AATF: variants seen among roughly 807,000 people sequenced by gnomAD.
AATF encodes apoptosis antagonizing transcription factor, also known as protein AATF.
A neutral mutation model predicts 63.7 loss-of-function variants in AATF; 48 were observed. The observed-to-expected ratio is 0.75, with a 90% CI of 0.60 to 0.96. The LOEUF (loss-of-function observed/expected upper bound fraction) is 0.96. Ranked by LOEUF, AATF falls within the 40% of genes least tolerant of loss-of-function variation. The probability of loss-of-function intolerance (pLI) is 0.00; values close to 1 mark genes in which losing one functional copy is unlikely to be tolerated. For synonymous variants in AATF, 258 were observed against 247.7 expected, an observed-to-expected ratio of 1.04 and a Z score of -0.39; for missense variants, 639 against 685.7, an observed-to-expected ratio of 0.93 and a Z score of 0.76.
chr17:37,040,471 T>TA (rs563229094), intron 11 of AATF, among the ~76,000 whole-genome samples: 149,779 of 150,076 alleles, frequency 1, 74,742 homozygotes, highest in Middle Eastern at 1. Flanking sequence ...GTTCCTCATT[T>TA]AAAAAAAAAA....
intron 10 of AATF, among the ~76,000 whole-genome samples, chr17:37,029,345 G>A (rs1372581532): frequency 6.6e-6 from 1 of 151,862 alleles, no homozygotes; most frequent in Non-Finnish European, 1.5e-5. Context: ...CTGAGTTCAA[G>A]CAATTCTCCT....
intron 4 of AATF, among the ~76,000 whole-genome samples, chr17:36,972,201 A>G (rs1230764876): frequency 1.3e-5 from 2 of 152,178 alleles, no homozygotes; most frequent in Non-Finnish European, 2.9e-5. Flanking sequence ...TGCTTGAAAT[A>G]TATATCCTTG....
At chr17:37,015,535 AG>A (rs1379863164) in intron 8 of AATF, among the ~76,000 whole-genome samples, 1 of 152,170 alleles carries the variant, frequency 6.6e-6, no homozygotes, top group Non-Finnish European at 1.5e-5. Context: ...GCCCTTTTAG[AG>A]GGACGCCTAA....
chr17:37,041,591 C>T (rs896535501), intron 11 of AATF, among the ~76,000 whole-genome samples: 2 of 152,084 alleles, frequency 1.3e-5, no homozygotes, highest in Admixed American at 6.5e-5. Context: ...CTGCAATGTC[C>T]GCCTCCCGGG....
chr17:37,008,810 T>C (rs1312757220), intron 8 of AATF, among the ~76,000 whole-genome samples: 1 of 152,216 alleles, frequency 6.6e-6, no homozygotes, highest in African/African-American at 2.4e-5. Context: ...ATCATGCCAC[T>C]GCACTCCAGT....
chr17:36,989,120 A>C, intron 6 of AATF, 127 bp from the exon 7 acceptor site: 1 of 1,125,942 alleles, frequency 8.9e-7, no homozygotes, highest in Non-Finnish European at 1.2e-6. Flanking sequence ...TCAGTCCTTT[A>C]CAGAAAGTCC....
intron 8 of AATF, among the ~76,000 whole-genome samples, chr17:37,008,721 T>TGGGC (rs1396154898): frequency 1.3e-5 from 2 of 152,048 alleles, no homozygotes; most frequent in Non-Finnish European, 2.9e-5. Flanking sequence ...AAAAATTAGC[T>TGGGC]GGGCATGCAT....
intron 4 of AATF, among the ~76,000 whole-genome samples, chr17:36,975,332 TA>T (rs1333323190): frequency 6.6e-6 from 1 of 152,200 alleles, no homozygotes; most frequent in Admixed American, 6.5e-5. Context: ...CATTTGCCTC[TA>T]AATATTTCTG....
chr17:36,999,115 T>C (rs560248315), intron 8 of AATF: 2 of 152,336 alleles, frequency 1.3e-5, no homozygotes, highest in African/African-American at 2.4e-5. Flanking sequence ...GTAATCATTG[T>C]TGGAAGCCGT....
At chr17:36,967,940 C>T (rs532189178) in intron 4 of AATF, among the ~76,000 whole-genome samples, 13 of 150,832 alleles carry the variant, frequency 8.6e-5, no homozygotes, top group East Asian at 1.9e-4. Flanking sequence ...AATGATGCAC[C>T]GTAGCGTAGA....
At chr17:37,004,585 G>A (rs1400439936) in intron 8 of AATF, among the ~76,000 whole-genome samples, 1 of 152,104 alleles carries the variant, frequency 6.6e-6, no homozygotes. Flanking sequence ...ATAGAGGGAA[G>A]GCAGGACTTA....
At chr17:36,984,806 TA>T (rs1271526135) in intron 4 of AATF, among the ~76,000 whole-genome samples, 1 of 151,740 alleles carries the variant, frequency 6.6e-6, no homozygotes, top group Non-Finnish European at 1.5e-5. Flanking sequence ...GGCTAGTTTT[TA>T]AAAAAAATTT....
intron 5 of AATF, 93 bp downstream of exon 5, chr17:36,986,824 G>A (rs910726898): frequency 9.7e-7 from 1 of 1,028,306 alleles, no homozygotes; most frequent in African/African-American, 1.6e-5. Flanking sequence ...TCTTCAGGCA[G>A]ATATTAATGT....
At chr17:37,007,359 AT>A (rs71368436) in intron 8 of AATF, among the ~76,000 whole-genome samples, 7,684 of 112,490 alleles carry the variant, frequency 0.068, 498 homozygotes, top group African/African-American at 0.2. Context: ...GGCTAATTTA[AT>A]TTTTTTTTTT....
rs776287818 is a variant in AATF at position 36,986,629 on chromosome 17, T to G, written c.845T>G (p.Leu282Arg). ...SSALKNSHKALKALLRSLVGL... is the reference protein window; with the variant it reads ...SSALKNSHKARKALLRSLVGL... ...CTTTATTTCCCAGGTCACAAGGCAC[T>G]TAAAGCATTGTTGAGGTCATTGGTA... The change falls in exon 5 of 12, where the codon CTT (leucine) becomes CGT (arginine). Residue 282 changes from leucine (L) to arginine (R), a missense_variant. Leu to Arg is a moderately radical substitution (Grantham distance 102, BLOSUM62 -2). Transcript: ENST00000619387. The G allele has an allele frequency of 6.2e-7, 1 of 1,614,084 alleles. No homozygotes were observed. Among genetic ancestry groups the G allele is most frequent in the East Asian group, 2.2e-5 (1 of 44,880 alleles).
intron 8 of AATF, among the ~76,000 whole-genome samples, chr17:37,005,790 T>C (rs1041532170): frequency 5.3e-5 from 8 of 151,956 alleles, no homozygotes; most frequent in African/African-American, 1.7e-4. Context: ...TCTTGGAAAA[T>C]CTAAACAGCA....
intron 5 of AATF, among the ~76,000 whole-genome samples, chr17:36,987,864 T>C (rs1420081396): frequency 6.6e-6 from 1 of 152,252 alleles, no homozygotes; most frequent in Non-Finnish European, 1.5e-5. Context: ...GTCGTAGAAA[T>C]ATGGTTATGT....
At chr17:36,980,796 A>G (rs573255955) in intron 4 of AATF, among the ~76,000 whole-genome samples, 1 of 152,288 alleles carries the variant, frequency 6.6e-6, no homozygotes, top group South Asian at 2.1e-4. Flanking sequence ...ATCTAGAAGG[A>G]AATGCAGCCC....
intron 4 of AATF, among the ~76,000 whole-genome samples, chr17:36,977,647 TCAAA>T (rs1176197807): frequency 6.6e-6 from 1 of 152,166 alleles, no homozygotes; most frequent in East Asian, 1.9e-4. Context: ...TATAAAATAT[TCAAA>T]CAGTTCAAAA....
Sources: allele counts gnomAD v4.1 joint callset (sites outside exome capture counted in the v4.1 genomes callset), GRCh38; gene constraint gnomAD v4.1.1; transcripts MANE v1.5; gene names NCBI Gene and HGNC (gene_info 2026-07-23, HGNC 2026-07-21).